The following PRKG1 variants were observed in gnomAD, a reference collection of about 807,000 sequenced individuals.
PRKG1 encodes cGMP-dependent protein kinase 1.
A neutral mutation model predicts 88.1 loss-of-function variants in PRKG1; 35 were observed. That is an observed-to-expected ratio of 0.40 (90% confidence interval 0.30 to 0.53). The LOEUF (loss-of-function observed/expected upper bound fraction) is 0.53. PRKG1 is among the 20% of genes least tolerant of loss of function. The pLI, the probability that PRKG1 is intolerant of heterozygous loss-of-function variation, is 0.59. For missense variants in PRKG1, 540 were observed against 839.8 expected (o/e 0.64, Z 4.41); for synonymous variants, 303 against 292.5 (o/e 1.04, Z -0.37).
intron 5 of PRKG1, among the ~76,000 whole-genome samples, chr10:52,000,288 A>C (rs1564745790): frequency 6.6e-6 from 1 of 150,976 alleles, no homozygotes; most frequent in Non-Finnish European, 1.5e-5. Flanking sequence ...TAGACTATAC[A>C]TAAACATTGG....
chr10:51,233,690 T>TGA (rs1257604748), intron 2 of PRKG1, among the ~76,000 whole-genome samples: 1 of 152,194 alleles, frequency 6.6e-6, no homozygotes, highest in Non-Finnish European at 1.5e-5. Context: ...TAAATGCATG[T>TGA]GAGAGAGATC....
rs200803050 is a variant in PRKG1 at position 51,395,368 on chromosome 10, TA to T, written c.479-72353del. ...TCAGGTTTCTGAAGGATGGAAAATC[TA>T]ATTATTGTTTTATTAGTTTGAGCCA... is the stretch of plus-strand genomic sequence containing the variant. On this transcript the variant is annotated intron_variant, in intron 2 of 17. Coordinates refer to ENST00000373980, the MANE Select transcript of PRKG1 (RefSeq NM_006258.4). 3.0e-4 allele frequency among the ~76,000 whole-genome samples: 45 copies of T among 152,372 alleles called. No individual in the cohort carries two copies. In the East Asian group the frequency reaches 8.7e-3, roughly 29 times the overall value.
intron 9 of PRKG1, among the ~76,000 whole-genome samples, chr10:52,187,290 C>T (rs1294281161): frequency 1.3e-5 from 2 of 152,034 alleles, no homozygotes; most frequent in African/African-American, 2.4e-5. Context: ...TGTTAAGTCA[C>T]TATAGTAGCC....
intron 3 of PRKG1, among the ~76,000 whole-genome samples, chr10:51,472,375 A>G (rs1381838318): frequency 6.6e-6 from 1 of 151,970 alleles, no homozygotes; most frequent in African/African-American, 2.4e-5. Context: ...ATGAGAATTA[A>G]GTAATAGGAG....
At chr10:51,575,472 C>T (rs1837863478) in intron 3 of PRKG1, among the ~76,000 whole-genome samples, 1 of 151,790 alleles carries the variant, frequency 6.6e-6, no homozygotes, top group Non-Finnish European at 1.5e-5. Context: ...ATATTCTTTC[C>T]AGAATGTCAC....
At chr10:52,035,159 A>C (rs561121753) in intron 5 of PRKG1, among the ~76,000 whole-genome samples, 8,134 of 152,188 alleles carry the variant, frequency 0.053, 687 homozygotes, top group African/African-American at 0.18. Context: ...GGAAGAAATG[A>C]CTGCGGTGGC....
chr10:51,679,634 C>T (rs540761523), intron 3 of PRKG1, among the ~76,000 whole-genome samples: 34 of 151,822 alleles, frequency 2.2e-4, no homozygotes, highest in Non-Finnish European at 4.1e-4. Flanking sequence ...CTTTATATTC[C>T]CCACATCACC....
At chr10:52,246,221 A>C (rs1034521761) in intron 9 of PRKG1, among the ~76,000 whole-genome samples, 1 of 152,190 alleles carries the variant, frequency 6.6e-6, no homozygotes, top group Non-Finnish European at 1.5e-5. Flanking sequence ...AATTGTGAAT[A>C]ATAAGGGACA....
intron 3 of PRKG1, among the ~76,000 whole-genome samples, chr10:51,711,583 G>A (rs536471038): frequency 1.3e-5 from 2 of 152,182 alleles, no homozygotes; most frequent in South Asian, 4.1e-4. Context: ...TGCACCATAC[G>A]AAACTGAAGT....
At chr10:51,912,095 G>T (rs1048953118) in intron 5 of PRKG1, among the ~76,000 whole-genome samples, 2 of 152,212 alleles carry the variant, frequency 1.3e-5, no homozygotes, top group Non-Finnish European at 2.9e-5. Flanking sequence ...CTCTGAGGAG[G>T]TGATATTTAA....
At chr10:51,105,146 C>A (rs1844801068) in intron 1 of PRKG1, among the ~76,000 whole-genome samples, 1 of 152,226 alleles carries the variant, frequency 6.6e-6, no homozygotes, top group East Asian at 1.9e-4. Context: ...GCTGTGATTG[C>A]AGGTGTGAGC....
intron 3 of PRKG1, among the ~76,000 whole-genome samples, chr10:51,524,713 T>C (rs1330618227): frequency 1.3e-5 from 2 of 152,214 alleles, no homozygotes; most frequent in Admixed American, 1.3e-4. Flanking sequence ...GTGTGGGTGA[T>C]GTATAAACAT....
chr10:51,353,020 A>C (rs1247153191), intron 2 of PRKG1, among the ~76,000 whole-genome samples: 1 of 152,220 alleles, frequency 6.6e-6, no homozygotes, highest in African/African-American at 2.4e-5. Flanking sequence ...ATTCTCAATA[A>C]AGGTGCCAAG....
chr10:51,091,638 T>C (rs749219799), intron 1 of PRKG1, among the ~76,000 whole-genome samples: 2 of 152,164 alleles, frequency 1.3e-5, no homozygotes, highest in Admixed American at 6.5e-5. Flanking sequence ...TTTTTGTTGT[T>C]GTTTTTGGAG....
intron 9 of PRKG1, among the ~76,000 whole-genome samples, chr10:52,200,400 T>C (rs930179836): frequency 2.6e-5 from 4 of 152,232 alleles, no homozygotes; most frequent in East Asian, 1.9e-4. Context: ...TCATTCTTTT[T>C]ATGGCTGCAT....
At chr10:51,888,867 A>G (rs886417494) in intron 4 of PRKG1, among the ~76,000 whole-genome samples, 1 of 152,250 alleles carries the variant, frequency 6.6e-6, no homozygotes, top group Non-Finnish European at 1.5e-5. Flanking sequence ...ATACAATTAT[A>G]TGATTATCTC....
chr10:51,608,026 A>C (rs1190792075), intron 3 of PRKG1, among the ~76,000 whole-genome samples: 1 of 152,132 alleles, frequency 6.6e-6, no homozygotes, highest in African/African-American at 2.4e-5. Flanking sequence ...CTGAAAACAT[A>C]TTTTCCCTTT....
intron 3 of PRKG1, among the ~76,000 whole-genome samples, chr10:51,510,744 A>AT (rs71459420): frequency 0.027 from 3,646 of 134,166 alleles, 56 homozygotes; most frequent in African/African-American, 0.046. Context: ...GCATTGTACT[A>AT]TTTTTTTTTT....
intron 2 of PRKG1, among the ~76,000 whole-genome samples, chr10:51,415,913 G>A (rs1016290200): frequency 1.0e-5 from 1 of 95,848 alleles, no homozygotes; most frequent in African/African-American, 3.9e-5. Flanking sequence ...AGCTTCCAGT[G>A]TGTGTGTGTG....
Sources: allele counts gnomAD v4.1 joint callset (sites outside exome capture counted in the v4.1 genomes callset), GRCh38; gene constraint gnomAD v4.1.1; transcripts MANE v1.5; gene names NCBI Gene and HGNC (gene_info 2026-07-23, HGNC 2026-07-21).